PRKAB2: variants seen among roughly 807,000 people sequenced by gnomAD.
PRKAB2 encodes 5'-AMP-activated protein kinase subunit beta-2.
In PRKAB2, 18 loss-of-function variants were observed where a neutral mutation model predicts 29.8. The observed-to-expected ratio is 0.60, with a 90% confidence interval of 0.42 to 0.89. PRKAB2 has a LOEUF of 0.89. PRKAB2 is among the 40% of genes least tolerant of loss of function. PRKAB2 has a pLI of 0.00. For synonymous variants in PRKAB2, 136 were observed against 125.9 expected, an observed-to-expected ratio of 1.08 and a Z score of -0.54; for missense variants, 270 against 344.3, an observed-to-expected ratio of 0.78 and a Z score of 1.71.
At chr1:147,171,811 T>C (rs1654621034) in intron 2 of PRKAB2, among the ~76,000 whole-genome samples, 178 bp downstream of exon 2, 1 of 152,180 alleles carries the variant, frequency 6.6e-6, no homozygotes, top group Admixed American at 6.5e-5. Flanking sequence ...CTTTATCCTA[T>C]TTTGAGGCGG....
In PRKAB2 at chr1:147,166,856, T is replaced by C. The variant is rs782790004; in HGVS notation, c.407A>G (p.Asp136Gly). 6 of 1,613,528 alleles carry C rather than the reference T, an allele frequency of 3.7e-6. 1 individual carries two copies. The highest frequency in any genetic ancestry group is 5.1e-6 in the Non-Finnish European group (6 of 1,179,580). The stretch of plus-strand genomic sequence containing the variant: ...AGATCAAGGCCTTACCTCTGATGGA[T>C]CATGAACCCACTGTCCATCCACAAA... ...KFFVDGQWVHDPSEPVVTSQL... is the reference protein window; with the variant it reads ...KFFVDGQWVHGPSEPVVTSQL... Residue 136 changes from aspartate to glycine, a missense_variant, in exon 4 of 8, where the codon GAT becomes GGT. Physicochemically the swap from Asp to Gly is moderately conservative, Grantham distance 94. Coordinates refer to ENST00000254101, the MANE Select transcript of PRKAB2 (RefSeq NM_005399.5).
intron 2 of PRKAB2, among the ~76,000 whole-genome samples, chr1:147,169,594 C>G (rs1158939243): frequency 6.6e-6 from 1 of 152,120 alleles, no homozygotes; most frequent in Non-Finnish European, 1.5e-5. Context: ...AAACCCTCAT[C>G]TTTAGAGGTA....
chr1:147,163,673 G>T (rs1193271768), intron 5 of PRKAB2, among the ~76,000 whole-genome samples: 1 of 152,142 alleles, frequency 6.6e-6, no homozygotes, highest in African/African-American at 2.4e-5. Flanking sequence ...ACTTGTGGTT[G>T]CCAGGGACGG....
At position 147,166,504 on chromosome 1, in the gene PRKAB2, A is replaced by G; in HGVS notation, c.532T>C (p.Cys178Arg). The G allele has an allele frequency of 6.2e-7, 1 of 1,613,448 alleles. No homozygotes were observed. The highest frequency in any genetic ancestry group is 8.5e-7 in the Non-Finnish European group (1 of 1,179,664). The change falls in exon 5 of 8, where the codon TGT becomes CGT. Residue 178 changes from cysteine (C) to arginine (R), a missense_variant. Cys to Arg is a radical substitution (Grantham distance 180). Around this residue, in one of 2 missense-constraint regions of PRKAB2, gnomAD observed 228 missense variants for 255.5 expected, o/e 0.89. Coordinates refer to ENST00000254101, the MANE Select transcript of PRKAB2 (RefSeq NM_005399.5). ...GTAAATAATACAAAATTACCTCTAC[A>G]AGATGTCTCAGAACTTTCCATAGAA... ...LDSMESSETS[C>R]RDLSSSPPGP... is the part of the protein sequence containing the mutation.
rs1197777627 is a variant in PRKAB2, at chr1:147,156,224, C to T, written c.*3341G>A. The T allele has an allele frequency of 6.6e-6, 1 of 151,680 alleles. No individual in the cohort carries two copies. The highest frequency in any genetic ancestry group is 1.5e-5 in the Non-Finnish European group (1 of 67,954). The allele number at this position is 151,680 out of a possible 1,614,324, so 9.4% of individuals were successfully genotyped here. A position where few individuals can be genotyped will look rare whatever the true frequency, so the allele number is the denominator to read the frequency against. On this transcript the variant is annotated 3_prime_UTR_variant, in exon 8 of 8. Transcript: ENST00000254101. ...CTGAGAACACAATGTATTTCAAACA[C>T]ACACAGAGACTATTGCATATCATTT...
rs1553914536 is a variant in PRKAB2 at position 147,172,116 on chromosome 1, G to A, written c.29C>T (p.Ser10Phe). 6.4e-7 allele frequency: 1 copy of A among 1,554,444 alleles called. No individual in the cohort carries two copies. The highest frequency in any genetic ancestry group is 1.9e-5 in the Admixed American group (1 of 52,012). The change falls in exon 2 of 8, where the codon TCC (serine) becomes TTC (phenylalanine). Residue 10 changes from serine (S) to phenylalanine (F), a missense_variant. Coordinates refer to ENST00000254101, the MANE Select transcript of PRKAB2 (RefSeq NM_005399.5). MGNTTSDRV[S>F]GERHGAKAAR... ...AGCCTTGGCGCCGTGGCGCTCCCCGGACACCCGGTCGCTGGTGGTGTTTCC... is the reference window on the plus strand; with the variant it reads ...AGCCTTGGCGCCGTGGCGCTCCCCGAACACCCGGTCGCTGGTGGTGTTTCC...
At position 147,166,480 on chromosome 1, in the gene PRKAB2, T is replaced by C. The variant is rs1253124440; in HGVS notation, c.538+18A>G. 9 of 1,608,356 alleles carry C rather than the reference T, an allele frequency of 5.6e-6. No homozygotes were observed. Among genetic ancestry groups the C allele is most frequent in the South Asian group, 3.3e-5 (3 of 90,682 alleles). ...ACAAGAAAGACACAGCAAGAGAGAG[T>C]AAATAATACAAAATTACCTCTACAA... On this transcript the variant is annotated intron_variant, in intron 5 of 7. Coordinates refer to ENST00000254101, the MANE Select transcript of PRKAB2 (RefSeq NM_005399.5).
In PRKAB2 at chr1:147,162,532, A is replaced by C. The variant is rs1553913199; in HGVS notation, c.580T>G (p.Tyr194Asp). ...AATCTTTCCTCAGATCGAAACGCAT[A>C]CATTTCTTGACCATAAGGCCCTGGG... ...SPPGPYGQEM[Y>D]AFRSEERFKS... Residue 194 changes from tyrosine to aspartate, a missense_variant, in exon 6 of 8, where the codon TAT (tyrosine) becomes GAT (aspartate). Around this residue, in one of 2 missense-constraint regions of PRKAB2, gnomAD observed 228 missense variants for 255.5 expected, o/e 0.89. Transcript: ENST00000254101. 1 of 1,612,176 alleles carries C rather than the reference A, an allele frequency of 6.2e-7. No homozygotes were observed. The highest frequency in any genetic ancestry group is 1.3e-5 in the African/African-American group (1 of 74,850).
rs2101627953 is a variant in PRKAB2, at chr1:147,167,817, G to A, written c.273C>T (p.Phe91=). ...TCCAATTGTTGAAGGACCCAGAGAT[G>A]AAGACCTCCTTGCCTCCTTCAGACC... ...IRWSEGGKEV[F]ISGSFNNWST... is the part of the protein sequence containing the mutation. Residue 91 remains phenylalanine (F), a synonymous_variant, in exon 3 of 8, where the codon TTC becomes TTT. Transcript: ENST00000254101. The A allele has an allele frequency of 6.2e-7, 1 of 1,614,130 alleles. No individual in the cohort carries two copies. The highest frequency in any genetic ancestry group is 8.5e-7 in the Non-Finnish European group (1 of 1,179,998).
At chr1:147,171,536 A>G (rs1456030228) in intron 2 of PRKAB2, among the ~76,000 whole-genome samples, 1 of 152,226 alleles carries the variant, frequency 6.6e-6, no homozygotes, top group Non-Finnish European at 1.5e-5. Context: ...AGCAAAAATG[A>G]TACTGATACA....
At chr1:147,166,818 T>C in intron 4 of PRKAB2, 28 bp downstream of exon 4, 3 of 1,599,880 alleles carry the variant, frequency 1.9e-6, no homozygotes, top group Non-Finnish European at 2.6e-6. Flanking sequence ...GCTAAGTCAA[T>C]GGTTACCCTT....
intron 2 of PRKAB2, among the ~76,000 whole-genome samples, chr1:147,170,617 T>C (rs942641038): frequency 6.6e-6 from 1 of 152,052 alleles, no homozygotes; most frequent in Admixed American, 6.6e-5. Context: ...TGAGAGTCTG[T>C]CACCCAGGCT....
chr1:147,158,491 T>C lies in PRKAB2; in HGVS notation c.*1074A>G, dbSNP rs2101612285. On this transcript the variant is annotated 3_prime_UTR_variant, in exon 8 of 8. Transcript: ENST00000254101. ...TGGAAGGCTAGACTAGAGAAGAAAA[T>C]CTCTTTGAAGAAGCATTTATCAAAA... is the stretch of plus-strand genomic sequence containing the variant. The C allele has an allele frequency of 6.6e-6, 1 of 151,912 alleles. No individual in the cohort carries two copies. Among genetic ancestry groups the C allele is most frequent in the Admixed American group, 6.6e-5 (1 of 15,240 alleles). The allele number at this position is 151,912 out of a possible 1,614,324, so 9.4% of individuals were successfully genotyped here.
Position 147,162,586 on chromosome 1 carries a change from T to C in PRKAB2, c.539-13A>G, listed in dbSNP as rs1654024701. Reference sequence around the variant, plus strand: ...GAGCTGGAAAGGTCTGAAAGATATTTATACAAATATGAGAAAGAGTTGGAG... The same window carrying C: ...GAGCTGGAAAGGTCTGAAAGATATTCATACAAATATGAGAAAGAGTTGGAG... On this transcript the variant is annotated splice_polypyrimidine_tract_variant and intron_variant, in intron 5 of 7. Coordinates refer to ENST00000254101, the MANE Select transcript of PRKAB2 (RefSeq NM_005399.5). The C allele has an allele frequency of 6.3e-7, 1 of 1,594,530 alleles. No individual in the cohort carries two copies. The highest frequency in any genetic ancestry group is 2.3e-5 in the East Asian group (1 of 44,278).
chr1:147,155,524 C>G lies in PRKAB2; in HGVS notation c.*4041G>C, dbSNP rs1361097604. ...CAGTGAGCTTTGGCTGTCCTAAAAC[C>G]ACAAGCTGGGTTAGGTAAGTGTTTT... On this transcript the variant is annotated 3_prime_UTR_variant, in exon 8 of 8. Transcript: ENST00000254101. The G allele has an allele frequency of 6.6e-6, 1 of 152,520 alleles. No homozygotes were observed. The highest frequency in any genetic ancestry group is 2.1e-4 in the South Asian group (1 of 4,830). 9.4% of individuals were successfully genotyped at this position (152,520 alleles called of 1,614,324 possible). A position where few individuals can be genotyped will look rare whatever the true frequency, so the allele number is the denominator to read the frequency against.
Position 147,156,875 on chromosome 1 carries a change from T to C in PRKAB2, c.*2690A>G, listed in dbSNP as rs1553912498. 6.6e-6 allele frequency: 1 copy of C among 152,160 alleles called. No individual in the cohort carries two copies. Among genetic ancestry groups the C allele is most frequent in the African/African-American group, 2.4e-5 (1 of 41,454 alleles). 9.4% of individuals were successfully genotyped at this position (152,160 alleles called of 1,614,324 possible). ...ACCATGTGGTGTCTGATTTAATTTC[T>C]TTTTAAAAGAGATCATTTTCAGTTG... On this transcript the variant is annotated 3_prime_UTR_variant, in exon 8 of 8. Coordinates refer to ENST00000254101, the MANE Select transcript of PRKAB2 (RefSeq NM_005399.5).
intron 6 of PRKAB2, 86 bp downstream of exon 6, chr1:147,162,354 G>T (rs1036852): frequency 7.3e-7 from 1 of 1,361,054 alleles, no homozygotes; most frequent in Non-Finnish European, 1.0e-6. Flanking sequence ...CACCTCTGTA[G>T]TAATCCTAAC....
chr1:147,162,450 G>C lies in PRKAB2; in HGVS notation c.662C>G (p.Thr221Ser). 6.2e-7 allele frequency: 1 copy of C among 1,612,434 alleles called. No individual in the cohort carries two copies. The highest frequency in any genetic ancestry group is 1.3e-5 in the African/African-American group (1 of 74,948). The change falls in exon 6 of 8, where the codon ACT becomes AGT. Residue 221 changes from threonine (T) to serine (S), a missense_variant. Thr to Ser is a moderately conservative substitution (Grantham distance 58). This residue lies in a region of PRKAB2 where 42 missense variants were observed against 88.8 expected (regional missense o/e 0.47). Coordinates refer to ENST00000254101, the MANE Select transcript of PRKAB2 (RefSeq NM_005399.5). ...HLLQVILNKD[T>S]NISCDPALLP... ...ACTCAGGATACTCACAGAAATATTA[G>C]TGTCTTTGTTAAGAATAACTTGAAG...
rs1653826635 is a variant in PRKAB2, at chr1:147,159,265, G to A, written c.*300C>T. ...CTTCCTATATAGTTATTCCTGCAGC[G>A]CCCCCAAACAGGTCTTGGTGAAAAC... is the stretch of plus-strand genomic sequence containing the variant. On this transcript the variant is annotated 3_prime_UTR_variant, in exon 8 of 8. Coordinates refer to ENST00000254101, the MANE Select transcript of PRKAB2 (RefSeq NM_005399.5). The A allele has an allele frequency of 9.0e-6, 3 of 333,996 alleles. No homozygotes were observed. The highest frequency in any genetic ancestry group is 5.5e-6 in the Non-Finnish European group (1 of 183,104). The allele number at this position is 333,996 out of a possible 1,614,324, so 20.7% of individuals were successfully genotyped here. A position where few individuals can be genotyped will look rare whatever the true frequency, so the allele number is the denominator to read the frequency against.
Sources: allele counts gnomAD v4.1 joint callset (sites outside exome capture counted in the v4.1 genomes callset), GRCh38; gene constraint gnomAD v4.1.1; regional missense constraint gnomAD v4.1.1; transcripts MANE v1.5; gene names NCBI Gene and HGNC (gene_info 2026-07-23, HGNC 2026-07-21).